Variants in HCRTR1 observed in about 807,000 individuals in gnomAD.
HCRTR1 encodes the protein orexin/Hypocretin receptor type 1.
HCRTR1 carries 28 observed loss-of-function variants against 40.6 expected under a neutral mutation model. That is an observed-to-expected ratio of 0.69 (90% CI 0.51 to 0.95). HCRTR1 has a LOEUF of 0.95. Among genes scored for constraint, HCRTR1 ranks in the 40% least tolerant of loss-of-function variants. HCRTR1 has a pLI of 0.00. For synonymous variants in HCRTR1, 209 were observed against 230.0 expected (o/e 0.91, Z 0.83); for missense variants, 482 against 564.7 (o/e 0.85, Z 1.48).
At chr1:31,633,313 A>C (rs1161557182), downstream of HCRTR1, 1 of 1,610,400 alleles carries the variant, frequency 6.2e-7, no homozygotes, top group East Asian at 2.2e-5. Flanking sequence ...GAGGGGCGCC[A>C]CCTGGAGGAA....
chr1:31,623,729 CGTCCTCA>C lies in HCRTR1; in HGVS notation c.946_952del (p.Val316MetfsTer69). On this transcript the variant is annotated frameshift_variant, in exon 7 of 9. Transcript: ENST00000403528. LOFTEE classifies it high-confidence loss of function. ...TCGCCCTCTGCTACCTGCCCATCAG[CGTCCTCA>C]ATGTCCTTAAGAGGTGAGAGCACGG... is the stretch of plus-strand genomic sequence containing the variant. The C allele has an allele frequency of 6.2e-7, 1 of 1,613,940 alleles. No homozygotes were observed. The highest frequency in any genetic ancestry group is 8.5e-7 in the Non-Finnish European group (1 of 1,179,898).
rs56017663 is a variant in HCRTR1 at position 31,625,273 on chromosome 1, C to T, written c.1087+155C>T. On this transcript the variant is annotated intron_variant, in intron 8 of 8. Transcript: ENST00000403528. This position sits in a 1 kb window ranked among gnomAD's most constrained non-coding sequence, Gnocchi z 4.2. ...CTGCTCTGGGAGGACCCACCCCAAG[C>T]GGCCCTGGCCTGAGTGGGAGACGGG... Among the ~76,000 whole-genome samples, 11,914 of 152,282 alleles carry T rather than the reference C, an allele frequency of 0.078. 720 individuals are homozygous for T. Among genetic ancestry groups the T allele is most frequent in the Admixed American group, 0.15 (2,249 of 15,292 alleles).
downstream of HCRTR1, chr1:31,632,778 C>A: frequency 1.0e-6 from 1 of 1,004,862 alleles, no homozygotes; most frequent in Non-Finnish European, 1.4e-6. Context: ...GCCCAGATGC[C>A]TGCACCTGAG....
downstream of HCRTR1, among the ~76,000 whole-genome samples, chr1:31,633,546 G>A (rs1053013403): frequency 6.6e-6 from 1 of 152,206 alleles, no homozygotes; most frequent in African/African-American, 2.4e-5. Context: ...TAGTGTTCCA[G>A]ACACTACTCT....
Position 31,627,074 on chromosome 1 carries a change from C to T in HCRTR1, c.*94C>T. On this transcript the variant is annotated 3_prime_UTR_variant, in exon 9 of 9. Transcript: ENST00000403528. ...GTGGTGAAAGGCTGTGGCTTCAGTC[C>T]TGGGTTTCTGCCTGTGTGACTCTGG... is the stretch of plus-strand genomic sequence containing the variant. The T allele has an allele frequency of 6.6e-7, 1 of 1,518,154 alleles. No individual in the cohort carries two copies. Among genetic ancestry groups the T allele is most frequent in the East Asian group, 2.3e-5 (1 of 44,064 alleles). 94.0% of individuals were successfully genotyped at this position (1,518,154 alleles called of 1,614,324 possible). A position where few individuals can be genotyped will look rare whatever the true frequency, so the allele number is the denominator to read the frequency against.
chr1:31,628,846 G>A (rs561654264), downstream of HCRTR1, among the ~76,000 whole-genome samples: 1 of 152,352 alleles, frequency 6.6e-6, no homozygotes, highest in East Asian at 1.9e-4. Flanking sequence ...CCAGGGAAGA[G>A]AGGACTTGGG....
In HCRTR1 at chr1:31,619,668, G is replaced by A. The variant is rs1340646124; in HGVS notation, c.336G>A (p.Trp112Ter). The A allele has an allele frequency of 1.9e-6, 3 of 1,612,712 alleles. No homozygotes were observed. Among genetic ancestry groups the A allele is most frequent in the Non-Finnish European group, 1.7e-6 (2 of 1,179,318 alleles). The change falls in exon 4 of 9, where the codon TGG (tryptophan) becomes TGA (stop). Residue 112 changes from tryptophan (W) to a stop codon, truncating the protein, a stop_gained. Coordinates refer to ENST00000403528, the MANE Select transcript of HCRTR1 (RefSeq NM_001525.3). LOFTEE classifies it high-confidence loss of function. ...TGCTGGTGGACATCACTGAGTCCTGGCTGTTCGGCCATGCCCTCTGCAAGG... is the reference window on the plus strand; with the variant it reads ...TGCTGGTGGACATCACTGAGTCCTGACTGTTCGGCCATGCCCTCTGCAAGG... ...ASLLVDITESWLFGHALCKVI... is the reference protein window; with the variant it reads ...ASLLVDITES
chr1:31,625,505 T>C lies in HCRTR1; in HGVS notation c.1087+387T>C, dbSNP rs973753915. 3.3e-5 allele frequency among the ~76,000 whole-genome samples: 5 copies of C among 152,200 alleles called. No homozygotes were observed. Among genetic ancestry groups the C allele is most frequent in the African/African-American group, 7.2e-5 (3 of 41,456 alleles). On this transcript the variant is annotated intron_variant, in intron 8 of 8. Transcript: ENST00000403528. The surrounding 1 kb of genome is among the most constrained non-coding windows in gnomAD (Gnocchi z 4.2). The stretch of plus-strand genomic sequence containing the variant: ...TGTGGGAGGAGGGCCCTGGAGCCCC[T>C]GCCCGAGGAAGGATTGCACAGTCCA...
Position 31,626,671 on chromosome 1 carries a change from C to G in HCRTR1, c.1088-119C>G. Reference sequence around the variant, plus strand: ...GCTCTCCCTCCCAGCTCTATCCCTCCCTCCCTCCCCGCCCCCTCATAGGCA... The same window carrying G: ...GCTCTCCCTCCCAGCTCTATCCCTCGCTCCCTCCCCGCCCCCTCATAGGCA... On this transcript the variant is annotated intron_variant, in intron 8 of 8. Transcript: ENST00000403528. This position sits in a 1 kb window ranked among gnomAD's most constrained non-coding sequence, Gnocchi z 4.6. 2.0e-6 allele frequency: 1 copy of G among 506,502 alleles called. No homozygotes were observed. Among genetic ancestry groups the G allele is most frequent in the Non-Finnish European group, 3.5e-6 (1 of 282,312 alleles). 31.4% of individuals were successfully genotyped at this position (506,502 alleles called of 1,614,324 possible).
chr1:31,621,215 CA>C, intron 5 of HCRTR1, 129 bp downstream of exon 5: 8 of 1,271,848 alleles, frequency 6.3e-6, no homozygotes, highest in Non-Finnish European at 8.5e-6. Context: ...CCCTAGGGGA[CA>C]CCCTAGACTG....
At position 31,627,469 on chromosome 1, in the gene HCRTR1, C is replaced by A; in HGVS notation, c.*489C>A. The A allele has an allele frequency of 3.8e-6, 3 of 782,952 alleles. No homozygotes were observed. Among genetic ancestry groups the A allele is most frequent in the Admixed American group, 2.4e-5 (1 of 42,454 alleles). 48.5% of individuals were successfully genotyped at this position (782,952 alleles called of 1,614,324 possible). On this transcript the variant is annotated 3_prime_UTR_variant, in exon 9 of 9. Coordinates refer to ENST00000403528, the MANE Select transcript of HCRTR1 (RefSeq NM_001525.3). ...CAGCCTTTCTCCAGCGGGCCACGAGCACAGCCCCACCCTAACCAGGTGCCA... is the reference window on the plus strand; with the variant it reads ...CAGCCTTTCTCCAGCGGGCCACGAGAACAGCCCCACCCTAACCAGGTGCCA...
In HCRTR1 at chr1:31,625,108, C is replaced by T; in HGVS notation, c.1077C>T (p.Asn359=). Residue 359 remains asparagine (N), a synonymous_variant, in exon 8 of 9, where the codon AAC becomes AAT. Coordinates refer to ENST00000403528, the MANE Select transcript of HCRTR1 (RefSeq NM_001525.3). The surrounding 1 kb of genome is among the most constrained non-coding windows in gnomAD (Gnocchi z 4.2). Reference sequence around the variant, plus strand: ...GCGCTGCCAACCCCATCATCTACAACTTCCTCAGTGGTGAGCAGGCTGGGG... The same window carrying T: ...GCGCTGCCAACCCCATCATCTACAATTTCCTCAGTGGTGAGCAGGCTGGGG... ...ANSAANPIIY[N]FLSGKFREQF... 6.2e-7 allele frequency: 1 copy of T among 1,610,726 alleles called. No homozygotes were observed.
At position 31,626,397 on chromosome 1, in the gene HCRTR1, G is replaced by C. The variant is rs1639976310; in HGVS notation, c.1088-393G>C. 6.6e-6 allele frequency among the ~76,000 whole-genome samples: 1 copy of C among 152,218 alleles called. No homozygotes were observed. Among genetic ancestry groups the C allele is most frequent in the Non-Finnish European group, 1.5e-5 (1 of 68,044 alleles). On this transcript the variant is annotated intron_variant, in intron 8 of 8. Coordinates refer to ENST00000403528, the MANE Select transcript of HCRTR1 (RefSeq NM_001525.3). This position sits in a 1 kb window ranked among gnomAD's most constrained non-coding sequence, Gnocchi z 4.6. ...CACAGCGTGACTGCCAAATGCAAAA[G>C]GGCTGCTGCTGCCGTCATTTTCATC...
At chr1:31,621,447 GC>G (rs1365518197) in intron 5 of HCRTR1, 29 bp from the exon 6 acceptor site, 1 of 1,516,514 alleles carries the variant, frequency 6.6e-7, no homozygotes, top group Non-Finnish European at 9.2e-7. Context: ...CACGGATTGG[GC>G]CTGACTCTGC....
chr1:31,632,666 G>A, downstream of HCRTR1: 1 of 1,609,936 alleles, frequency 6.2e-7, no homozygotes, highest in Non-Finnish European at 8.5e-7. Flanking sequence ...AAGGAGGGGA[G>A]GAAGGCTTCA....
chr1:31,628,593 G>A (rs975563488), downstream of HCRTR1, among the ~76,000 whole-genome samples: 10 of 152,254 alleles, frequency 6.6e-5, no homozygotes, highest in Non-Finnish European at 1.3e-4. Flanking sequence ...GAGCACAAAG[G>A]TGAGAGACTA....
chr1:31,628,080 G>GA (rs1640014946), downstream of HCRTR1, among the ~76,000 whole-genome samples: 1 of 152,078 alleles, frequency 6.6e-6, no homozygotes, highest in Non-Finnish European at 1.5e-5. Context: ...GCCAGAGAAG[G>GA]ACGTGGAGTG....
At chr1:31,633,447 T>TG, downstream of HCRTR1, 1 of 972,620 alleles carries the variant, frequency 1.0e-6, no homozygotes, top group Non-Finnish European at 1.5e-6. Context: ...CAAGCTGACA[T>TG]TCTTACTCTG....
At chr1:31,631,504 C>A (rs1263862950), downstream of HCRTR1, among the ~76,000 whole-genome samples, 3 of 152,130 alleles carry the variant, frequency 2.0e-5, no homozygotes, top group African/African-American at 4.8e-5. Flanking sequence ...CCAGGCCAGG[C>A]TAAAACCTCA....
Sources: gnomAD v4.1 joint callset for allele counts (sites outside exome capture counted in the v4.1 genomes callset) on GRCh38, gnomAD v4.1.1 for gene constraint, Gnocchi (gnomAD v3.1) non-coding constraint, MANE v1.5 for transcripts, NCBI Gene and HGNC (gene_info 2026-07-23, HGNC 2026-07-21) for gene names.